The following OSBP2 variants were observed in gnomAD, a reference collection of about 807,000 sequenced individuals.
The protein encoded by OSBP2 is oxysterol-binding protein 2.
OSBP2 carries 66 observed loss-of-function variants against 96.0 expected under a neutral mutation model. The ratio of observed to expected loss-of-function variants is 0.69; its 90% CI spans 0.56 to 0.84. The LOEUF is 0.84. OSBP2 is among the 40% of genes least tolerant of loss of function. The probability of loss-of-function intolerance (pLI) is 0.00; values close to 1 mark genes in which losing one functional copy is unlikely to be tolerated. For missense variants in OSBP2, 1,038 were observed against 1,222.7 expected, an observed-to-expected ratio of 0.85 and a Z score of 2.25; for synonymous variants, 525 against 520.9, an observed-to-expected ratio of 1.01 and a Z score of -0.11.
chr22:30,719,771 A>G (rs1462885720), intron 1 of OSBP2, among the ~76,000 whole-genome samples: 1 of 151,858 alleles, frequency 6.6e-6, no homozygotes, highest in Non-Finnish European at 1.5e-5. Context: ...AAAGAAAAAA[A>G]AAAAAAGTCA....
At chr22:30,768,679 C>CA (rs136332) in intron 2 of OSBP2, among the ~76,000 whole-genome samples, 8,859 of 137,116 alleles carry the variant, frequency 0.065, 273 homozygotes, top group Middle Eastern at 0.1. Flanking sequence ...AACTCCATCT[C>CA]AAAAAAAAAA....
At chr22:30,843,562 G>A (rs1197560215) in intron 2 of OSBP2, among the ~76,000 whole-genome samples, 3 of 151,926 alleles carry the variant, frequency 2.0e-5, no homozygotes, top group Admixed American at 6.6e-5. Context: ...AGCATAGGCC[G>A]AATAAATTTA....
At chr22:30,695,756 G>A (rs545104561) in intron 1 of OSBP2, among the ~76,000 whole-genome samples, 1 of 152,340 alleles carries the variant, frequency 6.6e-6, no homozygotes, top group African/African-American at 2.4e-5. Flanking sequence ...TGTGATCTGC[G>A]GACATGACCT....
intron 2 of OSBP2, among the ~76,000 whole-genome samples, chr22:30,852,027 T>C (rs1759466745): frequency 6.6e-6 from 1 of 152,182 alleles, no homozygotes. Flanking sequence ...AAACCCCACT[T>C]GTCCATAATG....
At chr22:30,884,352 C>G (rs2039765616) in intron 3 of OSBP2, among the ~76,000 whole-genome samples, 1 of 152,178 alleles carries the variant, frequency 6.6e-6, no homozygotes, top group Admixed American at 6.5e-5. Flanking sequence ...GGCACAGCAT[C>G]TGTCGGGCAT....
At chr22:30,807,916 G>A (rs1379999501) in intron 2 of OSBP2, among the ~76,000 whole-genome samples, 1 of 152,202 alleles carries the variant, frequency 6.6e-6, no homozygotes, top group African/African-American at 2.4e-5. Context: ...CTCCTGAGTA[G>A]CTGGGACTAC....
rs9621098 is a variant in OSBP2 at position 30,791,755 on chromosome 22, G to A, written c.853+50386G>A. ...GAAAAATGAATTGTTGAATGGAAGA[G>A]TGTCTTAGCTAGGAAGAGCTGCAAG... is the stretch of plus-strand genomic sequence containing the variant. On this transcript the variant is annotated intron_variant, in intron 2 of 13. Transcript: ENST00000332585. Among the ~76,000 whole-genome samples the A allele has an allele frequency of 4.6e-3, 703 of 152,270 alleles. 5 individuals are homozygous for A. The highest frequency in any genetic ancestry group is 0.016 in the African/African-American group (673 of 41,552).
intron 12 of OSBP2, among the ~76,000 whole-genome samples, chr22:30,897,952 GAA>G (rs199929883): frequency 1.8e-4 from 19 of 105,330 alleles, no homozygotes; most frequent in African/African-American, 2.7e-4. Context: ...TCCGTCTCAG[GAA>G]AAAAAAAAAA....
intron 3 of OSBP2, among the ~76,000 whole-genome samples, chr22:30,874,073 C>G (rs1364371675): frequency 6.6e-6 from 1 of 152,124 alleles, no homozygotes; most frequent in Admixed American, 6.6e-5. Context: ...CCTGTCTCTA[C>G]TAAAAATACA....
intron 1 of OSBP2, among the ~76,000 whole-genome samples, chr22:30,707,327 C>T (rs113136490): frequency 2.6e-5 from 4 of 152,076 alleles, no homozygotes; most frequent in African/African-American, 9.7e-5. Flanking sequence ...GATCTCCTGA[C>T]CTCAAGTGAT....
At position 30,893,238 on chromosome 22, in the gene OSBP2, G is replaced by A. The variant is rs184571641; in HGVS notation, c.1986G>A (p.Pro662=). 2.1e-4 allele frequency: 343 copies of A among 1,614,008 alleles called. 8 individuals carry two copies. The East Asian group carries it at 5.8e-3, about 27-fold the overall frequency. ...KFRGKYISIM[P]LGAIHLEFQA... ...GGGGAAAATACATCTCCATCATGCC[G>A]CTAGGTGAGCTGGGGCCCGGTGCCT... Residue 662 remains proline (P), a synonymous_variant, in exon 9 of 14, where the codon CCG becomes CCA. Coordinates refer to ENST00000332585, the MANE Select transcript of OSBP2 (RefSeq NM_030758.4).
chr22:30,722,940 C>T (rs778426846), intron 1 of OSBP2, among the ~76,000 whole-genome samples: 1 of 151,680 alleles, frequency 6.6e-6, no homozygotes. Context: ...TGTGCCACCA[C>T]ATCAGGATAA....
chr22:30,831,424 TTGG>T (rs2038520235), intron 2 of OSBP2, among the ~76,000 whole-genome samples: 1 of 152,172 alleles, frequency 6.6e-6, no homozygotes, highest in South Asian at 2.1e-4. Flanking sequence ...CTAAACGAAG[TTGG>T]TTTATGTTGT....
chr22:30,870,554 G>A lies in OSBP2; in HGVS notation c.979G>A (p.Gly327Ser), dbSNP rs767615113. 9.9e-6 allele frequency: 16 copies of A among 1,613,954 alleles called. No homozygotes were observed. The highest frequency in any genetic ancestry group is 4.5e-5 in the East Asian group (2 of 44,894). ...GTGCAATGACCTCATCGCCAAGCAC[G>A]GCGCTGCACTCCAGCGCTCCCTGAC... ...STCNDLIAKH[G>S]AALQRSLTEL... Residue 327 changes from glycine to serine, a missense_variant, in exon 3 of 14, where the codon GGC becomes AGC. Gly to Ser is a moderately conservative substitution (Grantham distance 56, BLOSUM62 0). Around this residue, in one of 3 missense-constraint regions of OSBP2, gnomAD observed 737 missense variants for 913.3 expected, o/e 0.81. Transcript: ENST00000332585. This position sits in a 1 kb window ranked among gnomAD's most constrained non-coding sequence, Gnocchi z 4.1.
At chr22:30,872,164 C>A in intron 3 of OSBP2, 1 of 450,900 alleles carries the variant, frequency 2.2e-6, no homozygotes, top group Non-Finnish European at 4.4e-6. Context: ...TTGTCACCTG[C>A]ACTGTTTTCC....
At chr22:30,788,401 C>A (rs1402942020) in intron 2 of OSBP2, among the ~76,000 whole-genome samples, 1 of 152,144 alleles carries the variant, frequency 6.6e-6, no homozygotes, top group Non-Finnish European at 1.5e-5. Context: ...TAGAGAGAGG[C>A]CAGCCATTTG....
rs529852003 is a variant in OSBP2, at chr22:30,892,199, A to G, written c.1870-923A>G. ...TGCTTAGGGTTAGAGGAGGAGCATG[A>G]GGAGGGCCAGAGAGGCTGCAGAGCG... On this transcript the variant is annotated intron_variant, in intron 8 of 13. Transcript: ENST00000332585. Among the ~76,000 whole-genome samples, 4 of 152,182 alleles carry G rather than the reference A, an allele frequency of 2.6e-5. No individual in the cohort carries two copies. In the South Asian group the frequency reaches 8.3e-4, roughly 32 times the overall value.
intron 1 of OSBP2, among the ~76,000 whole-genome samples, chr22:30,725,197 C>CA (rs113509824): frequency 0.32 from 44,612 of 138,416 alleles, 7,406 homozygotes; most frequent in Middle Eastern, 0.36. Flanking sequence ...AACAAAAAAA[C>CA]AAAAAAAAAA....
At chr22:30,769,975 C>T (rs2090326579) in intron 2 of OSBP2, among the ~76,000 whole-genome samples, 1 of 152,070 alleles carries the variant, frequency 6.6e-6, no homozygotes, top group Non-Finnish European at 1.5e-5. Flanking sequence ...CCATACTGTT[C>T]TCATGGTAGT....
Sources: gnomAD v4.1 joint callset for allele counts (sites outside exome capture counted in the v4.1 genomes callset) on GRCh38, gnomAD v4.1.1 for gene constraint, gnomAD v4.1.1 regional missense constraint, Gnocchi (gnomAD v3.1) non-coding constraint, MANE v1.5 for transcripts, NCBI Gene and HGNC (gene_info 2026-07-23, HGNC 2026-07-21) for gene names.